The following NAALADL2 variants were observed in gnomAD, a reference collection of about 807,000 sequenced individuals.
The protein encoded by NAALADL2 is inactive N-acetylated-alpha-linked acidic dipeptidase-like protein 2.
In NAALADL2, 76 loss-of-function variants were observed where a neutral mutation model predicts 87.2. The observed-to-expected ratio is 0.87, with a 90% confidence interval of 0.72 to 1.05. The LOEUF is 1.05. NAALADL2 is among the 50% of genes least tolerant of loss of function. The pLI is 0.00. For synonymous variants in NAALADL2, 354 were observed against 331.0 expected, an observed-to-expected ratio of 1.07 and a Z score of -0.75; for missense variants, 1,089 against 945.8, an observed-to-expected ratio of 1.15 and a Z score of -1.99.
chr3:175,543,687 G>A lies in NAALADL2; in HGVS notation c.1654-32354G>A, dbSNP rs569495273. The stretch of plus-strand genomic sequence containing the variant: ...GAACAGCATGGAGGTAACCACCCCC[G>A]TAATTCAATTACCTCCCACCAGGTC... On this transcript the variant is annotated intron_variant, in intron 9 of 13. Transcript: ENST00000454872. Among the ~76,000 whole-genome samples, 39 of 152,184 alleles carry A rather than the reference G, an allele frequency of 2.6e-4. 1 individual carries two copies. The highest frequency in any genetic ancestry group is 4.1e-4 in the South Asian group (2 of 4,824).
chr3:175,253,210 T>C (rs980280339), intron 3 of NAALADL2, among the ~76,000 whole-genome samples: 13 of 152,156 alleles, frequency 8.5e-5, no homozygotes, highest in Admixed American at 7.2e-4. Context: ...CTGACTCTCG[T>C]TAGGATGTAA....
At chr3:174,480,823 A>G (rs1441970463) in intron 1 of NAALADL2, among the ~76,000 whole-genome samples, 1 of 152,106 alleles carries the variant, frequency 6.6e-6, no homozygotes, top group East Asian at 1.9e-4. Context: ...AGAGCCAGGC[A>G]ATTCCAACTA....
At chr3:175,468,301 A>G (rs1724392318) in intron 8 of NAALADL2, among the ~76,000 whole-genome samples, 1 of 152,094 alleles carries the variant, frequency 6.6e-6, no homozygotes. Context: ...TTTGGGCCAT[A>G]TTCAAAAGAA....
intron 2 of NAALADL2, among the ~76,000 whole-genome samples, chr3:174,628,409 G>A (rs567079750): frequency 8.6e-5 from 13 of 150,566 alleles, no homozygotes; most frequent in African/African-American, 3.2e-4. Context: ...CCCTGGAGGC[G>A]GAGGTTGCAG....
At chr3:175,054,507 GA>G (rs1560520592) in intron 1 of NAALADL2, among the ~76,000 whole-genome samples, 1 of 151,982 alleles carries the variant, frequency 6.6e-6, no homozygotes, top group Non-Finnish European at 1.5e-5. Flanking sequence ...TCTTAATTTC[GA>G]AAACTGGAAA....
intron 2 of NAALADL2, among the ~76,000 whole-genome samples, chr3:174,627,731 G>A (rs1456928819): frequency 6.6e-6 from 1 of 152,112 alleles, no homozygotes; most frequent in African/African-American, 2.4e-5. Context: ...GGTATGTGTA[G>A]GCACACAGTA....
intron 1 of NAALADL2, among the ~76,000 whole-genome samples, chr3:174,538,860 G>T (rs1468360023): frequency 6.6e-6 from 1 of 151,998 alleles, no homozygotes; most frequent in East Asian, 1.9e-4. Flanking sequence ...TGCCTTTATG[G>T]ACTGCACCAA....
At chr3:174,863,708 G>GA (rs988287297) in intron 1 of NAALADL2, 1 of 176,796 alleles carries the variant, frequency 5.7e-6, no homozygotes, top group African/African-American at 2.4e-5. Flanking sequence ...TCTGTGGTGG[G>GA]AAAAATATCT....
intron 1 of NAALADL2, among the ~76,000 whole-genome samples, chr3:174,548,259 T>C (rs1393380133): frequency 6.6e-6 from 1 of 152,192 alleles, no homozygotes; most frequent in Non-Finnish European, 1.5e-5. Context: ...TTAAACATTA[T>C]GTTTTTAAAG....
chr3:174,714,874 C>T (rs929990434), intron 2 of NAALADL2, among the ~76,000 whole-genome samples: 5 of 152,084 alleles, frequency 3.3e-5, no homozygotes, highest in Admixed American at 2.0e-4. Context: ...CTGTCTTGTG[C>T]GAGTTTTCAA....
intron 11 of NAALADL2, among the ~76,000 whole-genome samples, chr3:175,634,209 T>G (rs1030088315): frequency 1.3e-5 from 2 of 151,966 alleles, no homozygotes; most frequent in African/African-American, 4.8e-5. Flanking sequence ...TTAATTCCAT[T>G]TGGCTGTCAA....
chr3:175,807,563 T>A lies in NAALADL2; in HGVS notation c.*4360T>A, dbSNP rs546538196. 4.6e-4 allele frequency: 70 copies of A among 152,014 alleles called. 1 individual carries two copies. Among genetic ancestry groups the A allele is most frequent in the African/African-American group, 1.7e-3 (69 of 41,532 alleles). 9.4% of individuals were successfully genotyped at this position (152,014 alleles called of 1,614,324 possible). ...TTTAAATGTGCCTTAGCCACACATT[T>A]GCTTAATAGAAAGGAATTATTTTAA... On this transcript the variant is annotated 3_prime_UTR_variant, in exon 14 of 14. Coordinates refer to ENST00000454872, the MANE Select transcript of NAALADL2 (RefSeq NM_207015.3).
intron 11 of NAALADL2, among the ~76,000 whole-genome samples, chr3:175,635,696 T>C (rs1348411074): frequency 6.6e-6 from 1 of 151,442 alleles, no homozygotes; most frequent in Non-Finnish European, 1.5e-5. Context: ...AAGTTGAAAG[T>C]GAATTTCGAA....
At position 175,107,535 on chromosome 3, in the gene NAALADL2, A is replaced by AAAC. The variant is rs1560036227; in HGVS notation, c.545+10245_545+10246insACA. ...ATACACACACACACACACACACACA[A>AAAC]ACACACACACACACATCCTATACGT... On this transcript the variant is annotated intron_variant, in intron 2 of 13. Coordinates refer to ENST00000454872, the MANE Select transcript of NAALADL2 (RefSeq NM_207015.3). 1.5e-3 allele frequency among the ~76,000 whole-genome samples: 224 copies of AAAC among 146,140 alleles called. 1 individual carries two copies. Among genetic ancestry groups the AAAC allele is most frequent in the Middle Eastern group, 3.5e-3 (1 of 288 alleles).
chr3:175,755,445 CTT>C, intron 13 of NAALADL2, 27 bp downstream of exon 13: 1 of 1,496,482 alleles, frequency 6.7e-7, no homozygotes, highest in Non-Finnish European at 9.0e-7. Flanking sequence ...AAAAATTATA[CTT>C]TTTGCCCTAC....
At chr3:174,653,561 T>C (rs1724599330) in intron 2 of NAALADL2, among the ~76,000 whole-genome samples, 1 of 152,174 alleles carries the variant, frequency 6.6e-6, no homozygotes, top group Admixed American at 6.5e-5. Context: ...AGGCTGGAAC[T>C]CATGGTCTAT....
intron 2 of NAALADL2, among the ~76,000 whole-genome samples, chr3:174,566,786 T>G (rs889276497): frequency 6.6e-6 from 1 of 151,770 alleles, no homozygotes; most frequent in Non-Finnish European, 1.5e-5. Context: ...TTTTTTTTTT[T>G]TATTTCTAAA....
At chr3:174,908,728 TTTTA>T (rs1156904738) in intron 1 of NAALADL2, among the ~76,000 whole-genome samples, 1 of 152,146 alleles carries the variant, frequency 6.6e-6, no homozygotes, top group African/African-American at 2.4e-5. Flanking sequence ...TTTATTAAGT[TTTTA>T]TTTTAGTTTA....
chr3:174,984,688 T>G (rs1397036391), intron 1 of NAALADL2, among the ~76,000 whole-genome samples: 1 of 152,100 alleles, frequency 6.6e-6, no homozygotes, highest in Non-Finnish European at 1.5e-5. Context: ...AACTTTAAGC[T>G]CCTGAAATTA....
Sources: allele counts gnomAD v4.1 joint callset (sites outside exome capture counted in the v4.1 genomes callset), GRCh38; gene constraint gnomAD v4.1.1; transcripts MANE v1.5; gene names NCBI Gene and HGNC (gene_info 2026-07-23, HGNC 2026-07-21).